Variants in LY86 observed in about 807,000 individuals in gnomAD.
LY86 encodes lymphocyte antigen 86.
A neutral mutation model predicts 17.3 loss-of-function variants in LY86; 20 were observed. The ratio of observed to expected loss-of-function variants is 1.15; its 90% CI spans 0.81 to 1.68. The LOEUF (loss-of-function observed/expected upper bound fraction) is 1.68. Ranked by LOEUF, LY86 falls within the 40% of genes most tolerant of loss-of-function variation. The probability of loss-of-function intolerance (pLI) is 0.00; values close to 1 mark genes in which losing one functional copy is unlikely to be tolerated. For missense variants in LY86, 200 were observed against 191.9 expected (o/e 1.04, Z -0.25); for synonymous variants, 74 against 70.6 (o/e 1.05, Z -0.24).
chr6:6,611,090 C>T (rs1488442598), intron 1 of LY86, among the ~76,000 whole-genome samples: 1 of 152,202 alleles, frequency 6.6e-6, no homozygotes, highest in Non-Finnish European at 1.5e-5. Flanking sequence ...AAACACCAGC[C>T]ACCTCCGACC....
rs149989688 is a variant in LY86 at position 6,588,809 on chromosome 6, A to G, written c.75A>G (p.Lys25=). 54 of 1,614,016 alleles carry G rather than the reference A, an allele frequency of 3.3e-5. No individual in the cohort carries two copies. The highest frequency in any genetic ancestry group is 4.2e-5 in the Non-Finnish European group (50 of 1,180,004). ...GCTGCAGTGGAGGCGGCGGTGGGAA[A>G]GCCTGGCCCACACACGTGGTCTGTA... is the stretch of plus-strand genomic sequence containing the variant. ...FPSCSGGGGG[K]AWPTHVVCSD... Residue 25 remains lysine, a synonymous_variant, in exon 1 of 5, where the codon AAA becomes AAG. Transcript: ENST00000230568.
intron 3 of LY86, among the ~76,000 whole-genome samples, chr6:6,631,732 G>A (rs1404821877): frequency 6.6e-6 from 1 of 152,138 alleles, no homozygotes; most frequent in Non-Finnish European, 1.5e-5. Flanking sequence ...TTTAGGTTTT[G>A]CAGACCATAT....
chr6:6,601,906 C>T (rs1760924241), intron 1 of LY86, among the ~76,000 whole-genome samples: 2 of 152,104 alleles, frequency 1.3e-5, no homozygotes, highest in African/African-American at 2.4e-5. Flanking sequence ...GTGCAGCCTC[C>T]TAATTTATAA....
rs1361205802 is a variant in LY86, at chr6:6,613,778, G to A, written c.137-11148G>A. 2.6e-5 allele frequency among the ~76,000 whole-genome samples: 4 copies of A among 152,346 alleles called. No individual in the cohort carries two copies. The East Asian group carries it at 5.8e-4, about 22-fold the overall frequency. On this transcript the variant is annotated intron_variant, in intron 1 of 4. Coordinates refer to ENST00000230568, the MANE Select transcript of LY86 (RefSeq NM_004271.4). ...GAGGAGGCCCCAAGAGCGAGCGAGG[G>A]CTGCCAGCATGCTGTCACCTCTCAA...
chr6:6,624,925 G>A lies in LY86; in HGVS notation c.137-1G>A, dbSNP rs1288534062. 6.8e-7 allele frequency: 1 copy of A among 1,476,422 alleles called. No homozygotes were observed. 91.5% of individuals were successfully genotyped at this position (1,476,422 alleles called of 1,614,324 possible). On this transcript the variant is annotated splice_acceptor_variant, in intron 1 of 4. Transcript: ENST00000230568. LOFTEE classifies it high-confidence loss of function. ...CTAATCTATTGTTTTCTTCTTCGTA[G>A]ATCCATTACAAGATTTTGGCTTTTC... is the stretch of plus-strand genomic sequence containing the variant.
At chr6:6,604,653 A>T (rs1395785132) in intron 1 of LY86, among the ~76,000 whole-genome samples, 2 of 152,208 alleles carry the variant, frequency 1.3e-5, no homozygotes, top group African/African-American at 4.8e-5. Context: ...AAAGACATGC[A>T]TTTCAGCTTC....
At chr6:6,647,021 A>C (rs578015672) in intron 3 of LY86, among the ~76,000 whole-genome samples, 4 of 152,290 alleles carry the variant, frequency 2.6e-5, no homozygotes, top group African/African-American at 9.6e-5. Context: ...TTGCTACTCA[A>C]CACAACACAG....
At chr6:6,618,737 G>A (rs972602091) in intron 1 of LY86, among the ~76,000 whole-genome samples, 2 of 152,150 alleles carry the variant, frequency 1.3e-5, no homozygotes, top group Non-Finnish European at 2.9e-5. Flanking sequence ...CAATTCCCGA[G>A]GAAATGCTGG....
At chr6:6,603,784 G>GT (rs1197405417) in intron 1 of LY86, among the ~76,000 whole-genome samples, 1 of 151,918 alleles carries the variant, frequency 6.6e-6, no homozygotes, top group Non-Finnish European at 1.5e-5. Context: ...GAGATGGAAA[G>GT]TTGATCCCTC....
intron 4 of LY86, among the ~76,000 whole-genome samples, chr6:6,651,013 C>A (rs142920091): frequency 1.4e-3 from 211 of 152,230 alleles, no homozygotes; most frequent in African/African-American, 4.9e-3. Context: ...AAGATAATGA[C>A]CCCCAGTTCC....
rs151170161 is a variant in LY86, at chr6:6,653,051, T to C, written c.406-1493T>C. Among the ~76,000 whole-genome samples the C allele has an allele frequency of 2.2e-3, 333 of 152,314 alleles. 2 individuals carry two copies. Among genetic ancestry groups the C allele is most frequent in the African/African-American group, 7.0e-3 (289 of 41,566 alleles). On this transcript the variant is annotated intron_variant, in intron 4 of 4. Transcript: ENST00000230568. ...TTCTCTAACATTTGGACTGCTTTGGTTATATTCCTAACACTATTTCTAAAA... is the reference window on the plus strand; with the variant it reads ...TTCTCTAACATTTGGACTGCTTTGGCTATATTCCTAACACTATTTCTAAAA...
At chr6:6,623,033 A>T (rs536868521) in intron 1 of LY86, among the ~76,000 whole-genome samples, 5 of 152,354 alleles carry the variant, frequency 3.3e-5, no homozygotes, top group African/African-American at 1.2e-4. Context: ...TCGTAACAGT[A>T]AAATGAGGTA....
chr6:6,596,564 T>C (rs945228217), intron 1 of LY86, among the ~76,000 whole-genome samples: 1 of 152,204 alleles, frequency 6.6e-6, no homozygotes, highest in Non-Finnish European at 1.5e-5. Flanking sequence ...AAAGATGCAA[T>C]TTCAGAGGGA....
At chr6:6,646,194 A>G (rs183011000) in intron 3 of LY86, among the ~76,000 whole-genome samples, 61 of 152,248 alleles carry the variant, frequency 4.0e-4, no homozygotes, top group African/African-American at 1.4e-3. Flanking sequence ...ATGTAACCAC[A>G]TATTAGTTAC....
At chr6:6,639,503 A>G (rs1247182687) in intron 3 of LY86, among the ~76,000 whole-genome samples, 1 of 152,184 alleles carries the variant, frequency 6.6e-6, no homozygotes, top group Non-Finnish European at 1.5e-5. Flanking sequence ...GCATCAAAGT[A>G]TCATAGAATT....
chr6:6,597,991 A>C (rs935532763), intron 1 of LY86, among the ~76,000 whole-genome samples: 4 of 152,218 alleles, frequency 2.6e-5, no homozygotes, highest in African/African-American at 9.6e-5. Flanking sequence ...TTGCTTCCTA[A>C]CCATTAGAAT....
intron 4 of LY86, among the ~76,000 whole-genome samples, chr6:6,652,932 G>T (rs1762209716): frequency 6.6e-6 from 1 of 152,156 alleles, no homozygotes; most frequent in Non-Finnish European, 1.5e-5. Context: ...GTGTCTAAAT[G>T]CACATAGAGA....
intron 1 of LY86, among the ~76,000 whole-genome samples, chr6:6,605,969 A>T (rs4959392): frequency 0.78 from 116,431 of 149,474 alleles, 47,176 homozygotes; most frequent in Non-Finnish European, 0.9. Context: ...GCGTGGACCC[A>T]AAGAGCGACC....
At chr6:6,606,996 C>A (rs914823848) in intron 1 of LY86, among the ~76,000 whole-genome samples, 1 of 152,270 alleles carries the variant, frequency 6.6e-6, no homozygotes, top group Non-Finnish European at 1.5e-5. Flanking sequence ...CTCACTACCG[C>A]TTAGAAGCAA....
Sources: allele counts gnomAD v4.1 joint callset (sites outside exome capture counted in the v4.1 genomes callset), GRCh38; gene constraint gnomAD v4.1.1; transcripts MANE v1.5; gene names NCBI Gene and HGNC (gene_info 2026-07-23, HGNC 2026-07-21).